RASEF: variants seen among roughly 807,000 people sequenced by gnomAD.
The protein encoded by RASEF is ras and EF-hand domain-containing protein.
Under a neutral mutation model 90.1 loss-of-function variants are expected in RASEF, and 68 were observed. The ratio of observed to expected loss-of-function variants is 0.75; its 90% CI spans 0.62 to 0.92. The LOEUF (loss-of-function observed/expected upper bound fraction) is 0.92, where lower values mean the gene tolerates loss of function less well. Among genes scored for constraint, RASEF ranks in the 40% least tolerant of loss-of-function variants. RASEF has a pLI of 0.00. For missense variants in RASEF, 949 were observed against 937.2 expected, an observed-to-expected ratio of 1.01 and a Z score of -0.16; for synonymous variants, 331 against 345.2, an observed-to-expected ratio of 0.96 and a Z score of 0.46.
intron 16 of RASEF, among the ~76,000 whole-genome samples, chr9:82,986,037 T>G (rs1002358004): frequency 6.6e-6 from 1 of 152,148 alleles, no homozygotes; most frequent in Non-Finnish European, 1.5e-5. Context: ...AAACTGGAAG[T>G]TACCAGGTAG....
At chr9:83,048,316 G>A (rs1829969421) in intron 1 of RASEF, 1 of 985,244 alleles carries the variant, frequency 1.0e-6, no homozygotes, top group Non-Finnish European at 1.2e-6. Flanking sequence ...TGGTAGAGGG[G>A]TGGAAACTCC....
the RASEF span, among the ~76,000 whole-genome samples, chr9:83,150,787 T>A: frequency 6.6e-6 from 1 of 152,208 alleles, no homozygotes; most frequent in Non-Finnish European, 1.5e-5. Flanking sequence ...GTCACTGTAT[T>A]CTCATTGTTT....
intron 5 of RASEF, among the ~76,000 whole-genome samples, chr9:83,011,550 CAAAA>C (rs71363083): frequency 0.011 from 311 of 28,082 alleles, 3 homozygotes; most frequent in African/African-American, 0.041. Flanking sequence ...GACTCCATCT[CAAAA>C]AAAAAAAAAA....
chr9:83,098,150 A>G, the RASEF span, among the ~76,000 whole-genome samples: 6 of 152,326 alleles, frequency 3.9e-5, no homozygotes, highest in Middle Eastern at 3.4e-3. Flanking sequence ...GCAAGCAACC[A>G]GGTTCTCTAT....
At chr9:83,120,507 A>C in the RASEF span, among the ~76,000 whole-genome samples, 1 of 152,188 alleles carries the variant, frequency 6.6e-6, no homozygotes, top group African/African-American at 2.4e-5. Context: ...TGTGGAATGA[A>C]GCCTCTAACC....
the RASEF span, among the ~76,000 whole-genome samples, chr9:83,140,056 T>A: frequency 4.2e-3 from 633 of 152,240 alleles, 8 homozygotes; most frequent in African/African-American, 0.014. Context: ...TTCAGTGAGC[T>A]CATATATGGT....
At chr9:82,990,055 C>G (rs571473819) in intron 16 of RASEF, among the ~76,000 whole-genome samples, 2 of 152,254 alleles carry the variant, frequency 1.3e-5, no homozygotes, top group East Asian at 3.9e-4. Context: ...GGGAAAATAT[C>G]ATAATAGACA....
At chr9:83,199,885 A>T in the RASEF span, among the ~76,000 whole-genome samples, 119,011 of 152,048 alleles carry the variant, frequency 0.78, 47,405 homozygotes, top group East Asian at 0.96. Flanking sequence ...AGCCTTGTGC[A>T]TCAGTCAGGA....
At chr9:83,151,177 C>T in the RASEF span, among the ~76,000 whole-genome samples, 1 of 151,360 alleles carries the variant, frequency 6.6e-6, no homozygotes, top group African/African-American at 2.4e-5. Context: ...ATAATAAAAA[C>T]AGACTGACTT....
At chr9:83,093,952 T>C in the RASEF span, among the ~76,000 whole-genome samples, 1 of 152,326 alleles carries the variant, frequency 6.6e-6, no homozygotes, top group East Asian at 1.9e-4. Flanking sequence ...ATCAAGTAAG[T>C]TATAAAACAT....
chr9:83,026,272 CCT>C (rs1167812510), intron 1 of RASEF, among the ~76,000 whole-genome samples: 2 of 152,096 alleles, frequency 1.3e-5, no homozygotes, highest in African/African-American at 2.4e-5. Context: ...TTCATCCACC[CCT>C]GATAAGACAT....
At chr9:83,018,801 G>A (rs113944713) in intron 3 of RASEF, among the ~76,000 whole-genome samples, 1 of 151,966 alleles carries the variant, frequency 6.6e-6, no homozygotes, top group Non-Finnish European at 1.5e-5. Flanking sequence ...ATGTAATATT[G>A]GCATAACAAT....
At chr9:83,000,402 C>T (rs1330114561) in intron 11 of RASEF, 31 bp downstream of exon 11, 1 of 1,612,062 alleles carries the variant, frequency 6.2e-7, no homozygotes, top group Admixed American at 1.7e-5. Context: ...AAGCAGTGTT[C>T]ATGAATAGGA....
chr9:83,165,074 C>T, the RASEF span, among the ~76,000 whole-genome samples: 3 of 151,912 alleles, frequency 2.0e-5, no homozygotes, highest in African/African-American at 7.3e-5. Flanking sequence ...CTTCAACACC[C>T]CTATATTACT....
intron 1 of RASEF, chr9:83,055,531 G>GACC: frequency 5.6e-6 from 4 of 710,614 alleles, no homozygotes; most frequent in Non-Finnish European, 1.0e-5. Context: ...GGGAGCTGTA[G>GACC]ACCGGAGCTG....
At chr9:83,099,237 G>A in the RASEF span, among the ~76,000 whole-genome samples, 2 of 152,056 alleles carry the variant, frequency 1.3e-5, no homozygotes, top group African/African-American at 4.8e-5. Context: ...GACTACAAAA[G>A]CCCACTTTTA....
the RASEF span, among the ~76,000 whole-genome samples, chr9:83,163,480 T>G: frequency 6.6e-6 from 1 of 152,154 alleles, no homozygotes; most frequent in Non-Finnish European, 1.5e-5. Context: ...CTGGATAAAG[T>G]AGACAGCATG....
At chr9:83,169,037 A>AC in the RASEF span, among the ~76,000 whole-genome samples, 1 of 147,930 alleles carries the variant, frequency 6.8e-6, no homozygotes, top group Non-Finnish European at 1.5e-5. Context: ...TCTATTTGCT[A>AC]CCTCCAAGAG....
At chr9:83,000,081 T>C (rs1413439598) in intron 12 of RASEF, 88 bp downstream of exon 12, 2 of 1,196,840 alleles carry the variant, frequency 1.7e-6, no homozygotes, top group Non-Finnish European at 1.2e-6. Context: ...AACTGTTAAC[T>C]GAGCATCTGT....
Sources: gnomAD v4.1 joint callset for allele counts (sites outside exome capture counted in the v4.1 genomes callset) on GRCh38, gnomAD v4.1.1 for gene constraint, MANE v1.5 for transcripts, NCBI Gene and HGNC (gene_info 2026-07-23, HGNC 2026-07-21) for gene names.